PTPRM: variants seen among roughly 807,000 people sequenced by gnomAD.
PTPRM encodes the protein protein tyrosine phosphatase receptor type M.
In PTPRM, 47 loss-of-function variants were observed where a neutral mutation model predicts 186.7. The ratio of observed to expected loss-of-function variants is 0.25; its 90% CI spans 0.20 to 0.32. The LOEUF is 0.32. PTPRM is among the 10% of genes least tolerant of loss of function. PTPRM has a pLI of 1.00. For missense variants in PTPRM, 1,494 were observed against 1,865.0 expected (o/e 0.80, Z 3.66); for synonymous variants, 668 against 674.9 (o/e 0.99, Z 0.16).
At chr18:7,930,452 CCCATGGTAGTTT>C (rs2051418886) in intron 5 of PTPRM, among the ~76,000 whole-genome samples, 1 of 152,094 alleles carries the variant, frequency 6.6e-6, no homozygotes, top group African/African-American at 2.4e-5. Context: ...ATGGTTGTAT[CCCATGGTAGTTT>C]ATCTGTTTTG....
intron 13 of PTPRM, among the ~76,000 whole-genome samples, chr18:8,115,980 T>G (rs966099703): frequency 1.3e-5 from 2 of 152,244 alleles, no homozygotes; most frequent in African/African-American, 4.8e-5. Context: ...TCCAAAAATC[T>G]ATTTATACTA....
chr18:8,243,600 T>C (rs2094451764), intron 14 of PTPRM, among the ~76,000 whole-genome samples: 1 of 152,248 alleles, frequency 6.6e-6, no homozygotes. Flanking sequence ...AATGTGCCTT[T>C]TAGATTCATC....
At chr18:8,005,647 G>T (rs1439016408) in intron 7 of PTPRM, among the ~76,000 whole-genome samples, 6 of 152,066 alleles carry the variant, frequency 3.9e-5, no homozygotes, top group Non-Finnish European at 7.4e-5. Flanking sequence ...ATTTTTCTTT[G>T]TGCAGTGGTG....
At chr18:7,807,936 A>G (rs2044316414) in intron 2 of PTPRM, among the ~76,000 whole-genome samples, 1 of 152,048 alleles carries the variant, frequency 6.6e-6, no homozygotes, top group Non-Finnish European at 1.5e-5. Context: ...ATAACCTTTT[A>G]TTTTTTACTC....
At chr18:8,030,602 CTTTCAATTCCATTATTG>C (rs2148054327) in intron 7 of PTPRM, among the ~76,000 whole-genome samples, 1 of 152,328 alleles carries the variant, frequency 6.6e-6, no homozygotes, top group South Asian at 2.1e-4. Flanking sequence ...ATATTAAGTT[CTTTCAATTCCATTATTG>C]AAAACGTTTT....
At chr18:8,093,182 A>G (rs2090841881) in intron 11 of PTPRM, among the ~76,000 whole-genome samples, 1 of 152,144 alleles carries the variant, frequency 6.6e-6, no homozygotes. Flanking sequence ...CGTAAGTCCA[A>G]GGAAAGAGAT....
intron 14 of PTPRM, among the ~76,000 whole-genome samples, chr18:8,239,393 G>A (rs544750897): frequency 6.6e-5 from 10 of 152,048 alleles, no homozygotes; most frequent in African/African-American, 2.2e-4. Context: ...ACTTACCAGT[G>A]CTTCTTGCTG....
chr18:8,295,407 G>A (rs1453316931), intron 19 of PTPRM, among the ~76,000 whole-genome samples: 2 of 98,914 alleles, frequency 2.0e-5, no homozygotes, highest in African/African-American at 8.8e-5. Context: ...GTTTGGGAGA[G>A]AACTGAGAGA....
chr18:7,807,197 G>A (rs1330902188), intron 2 of PTPRM, among the ~76,000 whole-genome samples: 1 of 152,200 alleles, frequency 6.6e-6, no homozygotes, highest in East Asian at 1.9e-4. Context: ...TGTTGAATGT[G>A]TTTTCTTGTA....
At chr18:7,860,201 T>C (rs192093374) in intron 2 of PTPRM, among the ~76,000 whole-genome samples, 1 of 152,144 alleles carries the variant, frequency 6.6e-6, no homozygotes, top group African/African-American at 2.4e-5. Flanking sequence ...GCCTCCCAAG[T>C]AGTTGGGATT....
At chr18:7,857,172 G>A (rs574131967) in intron 2 of PTPRM, among the ~76,000 whole-genome samples, 1 of 152,112 alleles carries the variant, frequency 6.6e-6, no homozygotes, top group Non-Finnish European at 1.5e-5. Context: ...GTGCAGAGGG[G>A]CACATGACGG....
intron 2 of PTPRM, among the ~76,000 whole-genome samples, chr18:7,779,817 A>T (rs1407468162): frequency 1.3e-5 from 2 of 152,216 alleles, no homozygotes; most frequent in Non-Finnish European, 2.9e-5. Flanking sequence ...TGTTTATTAA[A>T]CACCTGCTAT....
intron 1 of PTPRM, among the ~76,000 whole-genome samples, chr18:7,770,916 T>TGCAGG (rs1568105463): frequency 2.8e-4 from 43 of 152,332 alleles, no homozygotes; most frequent in African/African-American, 9.9e-4. Flanking sequence ...CTGGGAAATA[T>TGCAGG]GAAATTCATA....
chr18:7,838,467 T>C (rs557745529), intron 2 of PTPRM, among the ~76,000 whole-genome samples: 11 of 152,324 alleles, frequency 7.2e-5, no homozygotes, highest in Admixed American at 5.2e-4. Flanking sequence ...ATTCTCTGGA[T>C]TACCAGGTAG....
chr18:7,754,781 A>G (rs2041392053), intron 1 of PTPRM: 2 of 152,264 alleles, frequency 1.3e-5, no homozygotes, highest in South Asian at 4.1e-4. Context: ...TGAGGAGGCC[A>G]CAGAGAGCTG....
rs373443083 is a variant in PTPRM, at chr18:8,361,802, C to T, written c.3055-9088C>T. Among the ~76,000 whole-genome samples the T allele has an allele frequency of 9.8e-5, 15 of 152,378 alleles. No homozygotes were observed. In the East Asian group the frequency reaches 1.5e-3, roughly 16 times the overall value. Reference sequence around the variant, plus strand: ...TAGGATTAGCCCCAAGCCCTCCTGCCTGCCTGCCAGGCTTCTTTCTGTTAC... The same window carrying T: ...TAGGATTAGCCCCAAGCCCTCCTGCTTGCCTGCCAGGCTTCTTTCTGTTAC... On this transcript the variant is annotated intron_variant, in intron 23 of 32. Coordinates refer to ENST00000580170, the MANE Select transcript of PTPRM (RefSeq NM_001105244.2).
At chr18:8,003,082 G>T (rs1474232879) in intron 7 of PTPRM, among the ~76,000 whole-genome samples, 1 of 152,166 alleles carries the variant, frequency 6.6e-6, no homozygotes, top group East Asian at 1.9e-4. Flanking sequence ...GAGAAAAAGT[G>T]TTGGTGATAT....
chr18:8,115,042 G>T (rs1352326064), intron 13 of PTPRM, among the ~76,000 whole-genome samples: 1 of 151,966 alleles, frequency 6.6e-6, no homozygotes, highest in African/African-American at 2.4e-5. Flanking sequence ...TTTAAAATAA[G>T]AAGCTATATT....
intron 20 of PTPRM, among the ~76,000 whole-genome samples, chr18:8,302,561 G>C (rs762745595): frequency 6.6e-6 from 1 of 152,102 alleles, no homozygotes; most frequent in African/African-American, 2.4e-5. Context: ...GGTTCGAAAG[G>C]GACAGCTGTT....
Sources: gnomAD v4.1 joint callset for allele counts (sites outside exome capture counted in the v4.1 genomes callset) on GRCh38, gnomAD v4.1.1 for gene constraint, MANE v1.5 for transcripts, NCBI Gene and HGNC (gene_info 2026-07-23, HGNC 2026-07-21) for gene names.